The following CIMAP2 variants were observed in gnomAD, a reference collection of about 807,000 sequenced individuals.
The protein encoded by CIMAP2 is ciliary microtubule associated protein 2, also known as ciliary microtubule-associated protein 2.
the CIMAP2 span, chr1:54,814,009 C>CGGAGG: frequency 6.4e-7 from 1 of 1,554,498 alleles, no homozygotes; most frequent in Non-Finnish European, 8.7e-7. Flanking sequence ...CTTCCTCTCT[C>CGGAGG]GGAGGGCAGC....
the CIMAP2 span, among the ~76,000 whole-genome samples, chr1:54,821,433 T>C: frequency 1.3e-5 from 2 of 152,184 alleles, no homozygotes; most frequent in Non-Finnish European, 2.9e-5. Context: ...TTCATTCTTA[T>C]GGATATTCAG....
chr1:54,822,394 TC>T, the CIMAP2 span, among the ~76,000 whole-genome samples: 1 of 151,892 alleles, frequency 6.6e-6, no homozygotes, highest in Non-Finnish European at 1.5e-5. Flanking sequence ...TTTTTTTTTT[TC>T]AGTCTCTATT....
At chr1:54,839,117 C>T in the CIMAP2 span, among the ~76,000 whole-genome samples, 4 of 91,412 alleles carry the variant, frequency 4.4e-5, no homozygotes, top group Non-Finnish European at 1.0e-4. Flanking sequence ...GGGTTTTCTT[C>T]TTCCAGGGAG....
At chr1:54,814,039 A>C in the CIMAP2 span, 1 of 1,521,626 alleles carries the variant, frequency 6.6e-7, no homozygotes, top group Non-Finnish European at 8.8e-7. Flanking sequence ...GGGGCTGGGC[A>C]TGGGGTAGGG....
chr1:54,810,116 C>G, the CIMAP2 span, among the ~76,000 whole-genome samples: 2 of 152,132 alleles, frequency 1.3e-5, no homozygotes, highest in Non-Finnish European at 2.9e-5. Context: ...CCTCTGGGCT[C>G]CAGGAGCAGG....
At chr1:54,825,298 G>T in the CIMAP2 span, among the ~76,000 whole-genome samples, 1 of 151,784 alleles carries the variant, frequency 6.6e-6, no homozygotes, top group African/African-American at 2.4e-5. Flanking sequence ...TGATCCTCCC[G>T]CCTCGGCCTC....
the CIMAP2 span, chr1:54,811,765 G>GCCGGGGGGGGCCCCC: frequency 7.7e-7 from 1 of 1,301,328 alleles, no homozygotes; most frequent in East Asian, 2.5e-5. Flanking sequence ...GGTTCTGACA[G>GCCGGGGGGGGCCCCC]CCTCCATGCC....
At chr1:54,811,765 G>GCCGGGGGGGGGGGCGGCCCCCCCCCC in the CIMAP2 span, 1 of 1,301,328 alleles carries the variant, frequency 7.7e-7, no homozygotes, top group Non-Finnish European at 1.1e-6. Flanking sequence ...GGTTCTGACA[G>GCCGGGGGGGGGGGCGGCCCCCCCCCC]CCTCCATGCC....
the CIMAP2 span, among the ~76,000 whole-genome samples, chr1:54,810,206 C>A: frequency 6.6e-5 from 10 of 152,186 alleles, no homozygotes; most frequent in South Asian, 2.1e-4. Context: ...CACCCCGGTG[C>A]CTTCCACAGA....
the CIMAP2 span, among the ~76,000 whole-genome samples, chr1:54,808,270 T>G: frequency 2.2e-4 from 33 of 152,286 alleles, 1 homozygote; most frequent in African/African-American, 7.9e-4. Context: ...AGCAGGGCTA[T>G]GAACACAAAT....
chr1:54,812,536 G>T, the CIMAP2 span, among the ~76,000 whole-genome samples: 1 of 152,230 alleles, frequency 6.6e-6, no homozygotes, highest in Non-Finnish European at 1.5e-5. Flanking sequence ...GATGGCAGAA[G>T]GTGGGAGCAT....
the CIMAP2 span, among the ~76,000 whole-genome samples, chr1:54,839,286 G>A: frequency 9.2e-5 from 14 of 152,102 alleles, no homozygotes; most frequent in Admixed American, 6.5e-5. Flanking sequence ...GGTTCGGTCA[G>A]TCCTTAGAGG....
chr1:54,838,937 G>A, the CIMAP2 span, among the ~76,000 whole-genome samples: 1 of 152,014 alleles, frequency 6.6e-6, no homozygotes, highest in African/African-American at 2.4e-5. Context: ...GCAGGGATTG[G>A]GGGGAGTAGA....
At chr1:54,811,537 G>A in the CIMAP2 span, among the ~76,000 whole-genome samples, 3 of 152,150 alleles carry the variant, frequency 2.0e-5, no homozygotes, top group Non-Finnish European at 2.9e-5. Context: ...GCAATGTAAG[G>A]AGGAGGCAGT....
At chr1:54,826,094 G>A in the CIMAP2 span, among the ~76,000 whole-genome samples, 13 of 152,144 alleles carry the variant, frequency 8.5e-5, no homozygotes, top group African/African-American at 2.7e-4. Context: ...CAAGTGGGGC[G>A]GGTGGATTCT....
At chr1:54,817,102 G>C in the CIMAP2 span, 15 of 1,614,086 alleles carry the variant, frequency 9.3e-6, no homozygotes, top group Non-Finnish European at 1.2e-5. Flanking sequence ...TCTCAGACCT[G>C]GCCCGGGACA....
the CIMAP2 span, chr1:54,811,786 C>CCCCCCCCCCCCCCCCACCA: frequency 6.8e-7 from 1 of 1,466,486 alleles, no homozygotes. Context: ...CCCACCCCCG[C>CCCCCCCCCCCCCCCCACCA]CCCACAGAAC....
the CIMAP2 span, among the ~76,000 whole-genome samples, chr1:54,828,496 C>CA: frequency 3.9e-5 from 6 of 152,094 alleles, no homozygotes; most frequent in East Asian, 9.7e-4. Flanking sequence ...CACACCTGGC[C>CA]AATTTTTCTT....
chr1:54,806,164 C>T, the CIMAP2 span: 3 of 1,550,938 alleles, frequency 1.9e-6, no homozygotes, highest in South Asian at 1.2e-5. Flanking sequence ...GGAACCGCGT[C>T]GGCTCCACGG....
Sources: allele counts gnomAD v4.1 joint callset (sites outside exome capture counted in the v4.1 genomes callset), GRCh38; gene constraint gnomAD v4.1.1; transcripts MANE v1.5; gene names NCBI Gene and HGNC (gene_info 2026-07-23, HGNC 2026-07-21).